RNGTT: variants seen among roughly 807,000 people sequenced by gnomAD.
RNGTT encodes RNA guanylyltransferase and 5'-phosphatase.
A neutral mutation model predicts 79.3 loss-of-function variants in RNGTT; 33 were observed. The ratio of observed to expected loss-of-function variants is 0.42; its 90% confidence interval spans 0.32 to 0.56. RNGTT has a LOEUF of 0.56. Ranked by LOEUF, RNGTT falls within the 20% of genes least tolerant of loss-of-function variation. The pLI is 0.17. For missense variants in RNGTT, 497 were observed against 739.1 expected (o/e 0.67, Z 3.80); for synonymous variants, 222 against 235.9 (o/e 0.94, Z 0.54).
chr6:88,806,374 G>A (rs1164085177), intron 11 of RNGTT, among the ~76,000 whole-genome samples: 1 of 149,890 alleles, frequency 6.7e-6, no homozygotes, highest in East Asian at 2.0e-4. Flanking sequence ...CTGGAGTGCA[G>A]TGGCACAGTC....
intron 6 of RNGTT, among the ~76,000 whole-genome samples, chr6:88,902,690 C>A (rs1485383611): frequency 1.2e-5 from 1 of 82,698 alleles, no homozygotes; most frequent in Non-Finnish European, 2.2e-5. Context: ...ATAGTGAAAT[C>A]TTTTTTTTTT....
At chr6:88,754,395 T>A (rs2127832103) in intron 13 of RNGTT, among the ~76,000 whole-genome samples, 1 of 152,266 alleles carries the variant, frequency 6.6e-6, no homozygotes. Context: ...AAGCCTAAGA[T>A]GAAACACTTT....
At chr6:88,941,483 G>T (rs1438643980) in intron 1 of RNGTT, among the ~76,000 whole-genome samples, 3 of 152,114 alleles carry the variant, frequency 2.0e-5, no homozygotes, top group Non-Finnish European at 2.9e-5. Context: ...GCCCAGGCTG[G>T]TCTCAAACTC....
chr6:88,663,607 C>A (rs1286099709), intron 14 of RNGTT, among the ~76,000 whole-genome samples: 1 of 152,148 alleles, frequency 6.6e-6, no homozygotes, highest in Non-Finnish European at 1.5e-5. Flanking sequence ...GAAATGGCAC[C>A]AATGGTGCCC....
intron 13 of RNGTT, among the ~76,000 whole-genome samples, chr6:88,680,136 A>G (rs1295003357): frequency 6.6e-6 from 1 of 152,232 alleles, no homozygotes; most frequent in African/African-American, 2.4e-5. Context: ...CCATACTGAT[A>G]TAATCATAGA....
intron 12 of RNGTT, among the ~76,000 whole-genome samples, chr6:88,771,314 T>TGTGG (rs1440699113): frequency 1.6e-4 from 9 of 57,232 alleles, no homozygotes; most frequent in African/African-American, 6.6e-4. Context: ...TGTGTGTGTG[T>TGTGG]GTATATATAT....
At chr6:88,615,989 C>A (rs1772202684) in intron 14 of RNGTT, among the ~76,000 whole-genome samples, 1 of 152,156 alleles carries the variant, frequency 6.6e-6, no homozygotes, top group Admixed American at 6.5e-5. Flanking sequence ...TCCCTAAACA[C>A]TAATTGCCCC....
At position 88,906,337 on chromosome 6, in the gene RNGTT, A is replaced by G. The variant is rs771367398; in HGVS notation, c.443+28T>C. ...AATAAAATTTTTTATTACAAAATAC[A>G]TCTTCCATTATAACAAGATACAAAT... On this transcript the variant is annotated intron_variant, in intron 5 of 15. Coordinates refer to ENST00000369485, the MANE Select transcript of RNGTT (RefSeq NM_003800.5). The G allele has an allele frequency of 7.0e-6, 10 of 1,423,310 alleles. No individual in the cohort carries two copies. The East Asian group carries it at 1.1e-4, about 16-fold the overall frequency. The allele number at this position is 1,423,310 out of a possible 1,614,324, so 88.2% of individuals were successfully genotyped here. A position where few individuals can be genotyped will look rare whatever the true frequency, so the allele number is the denominator to read the frequency against.
At chr6:88,884,052 A>G (rs924867040) in intron 8 of RNGTT, among the ~76,000 whole-genome samples, 2 of 152,236 alleles carry the variant, frequency 1.3e-5, no homozygotes, top group African/African-American at 4.8e-5. Flanking sequence ...CTGTGGGAAT[A>G]CAATCTGGCA....
chr6:88,803,281 A>C (rs1779845065), intron 11 of RNGTT, among the ~76,000 whole-genome samples: 1 of 152,086 alleles, frequency 6.6e-6, no homozygotes, highest in Non-Finnish European at 1.5e-5. Context: ...CAGTTTTGAA[A>C]GATGAAAAAG....
chr6:88,853,453 C>T lies in RNGTT; in HGVS notation c.1032+176G>A, dbSNP rs556607248. Among the ~76,000 whole-genome samples the T allele has an allele frequency of 1.1e-4, 17 of 150,288 alleles. No individual in the cohort carries two copies. In the South Asian group the frequency reaches 2.5e-3, roughly 22 times the overall value. On this transcript the variant is annotated intron_variant, in intron 9 of 15. Coordinates refer to ENST00000369485, the MANE Select transcript of RNGTT (RefSeq NM_003800.5). ...CCAGGAGGCAAAGGTTGCAGTGAAC[C>T]GAGATCCCGCCACTGCACTCCAGCC...
chr6:88,841,083 C>T (rs1193487057), intron 11 of RNGTT, among the ~76,000 whole-genome samples: 2 of 152,160 alleles, frequency 1.3e-5, no homozygotes, highest in African/African-American at 4.8e-5. Flanking sequence ...AGTTAATAGA[C>T]TTCCACCGTG....
intron 13 of RNGTT, among the ~76,000 whole-genome samples, chr6:88,715,551 C>T (rs907247500): frequency 2.6e-5 from 4 of 152,176 alleles, no homozygotes; most frequent in African/African-American, 9.7e-5. Context: ...CATCACACTA[C>T]TTGACTTCAA....
chr6:88,889,667 T>C (rs192446760), intron 8 of RNGTT, among the ~76,000 whole-genome samples: 1 of 152,230 alleles, frequency 6.6e-6, no homozygotes, highest in African/African-American at 2.4e-5. Flanking sequence ...TACATACATA[T>C]AGCAAAACTG....
chr6:88,872,219 G>A (rs769038617), intron 8 of RNGTT, among the ~76,000 whole-genome samples: 1 of 151,900 alleles, frequency 6.6e-6, no homozygotes, highest in Non-Finnish European at 1.5e-5. Context: ...CCTAACTATT[G>A]AACCTAAGTG....
At chr6:88,761,442 G>C (rs1778247315) in intron 13 of RNGTT, among the ~76,000 whole-genome samples, 1 of 152,114 alleles carries the variant, frequency 6.6e-6, no homozygotes. Context: ...AGTGAGCTGA[G>C]ATTGCACCAC....
chr6:88,846,646 G>C (rs935683307), intron 10 of RNGTT, among the ~76,000 whole-genome samples: 1 of 152,032 alleles, frequency 6.6e-6, no homozygotes, highest in Non-Finnish European at 1.5e-5. Flanking sequence ...TGTGGTCCCA[G>C]CTACTCGGAA....
At chr6:88,732,925 C>T (rs1777162212) in intron 13 of RNGTT, among the ~76,000 whole-genome samples, 1 of 152,112 alleles carries the variant, frequency 6.6e-6, no homozygotes, top group African/African-American at 2.4e-5. Context: ...GAATTGTACA[C>T]TTAAAAATGA....
At chr6:88,654,625 C>G (rs1435103887) in intron 14 of RNGTT, among the ~76,000 whole-genome samples, 1 of 151,890 alleles carries the variant, frequency 6.6e-6, no homozygotes, top group Non-Finnish European at 1.5e-5. Context: ...GAGATCTCAT[C>G]TTTTCTTCCC....
Sources: gnomAD v4.1 joint callset for allele counts (sites outside exome capture counted in the v4.1 genomes callset) on GRCh38, gnomAD v4.1.1 for gene constraint, MANE v1.5 for transcripts, NCBI Gene and HGNC (gene_info 2026-07-23, HGNC 2026-07-21) for gene names.